The following SEM1 variants were observed in gnomAD, a reference collection of about 807,000 sequenced individuals.
The protein encoded by SEM1 is SEM1 26S proteasome subunit, also known as 26S proteasome complex subunit SEM1.
A neutral mutation model predicts 12.7 loss-of-function variants in SEM1; 3 were observed. The ratio of observed to expected loss-of-function variants is 0.24; its 90% CI spans 0.11 to 0.61. The LOEUF is 0.61. SEM1 is among the 20% of genes least tolerant of loss of function. SEM1 has a pLI of 0.88. For synonymous variants in SEM1, 30 were observed against 27.8 expected (o/e 1.08, Z -0.25); for missense variants, 59 against 81.3 (o/e 0.73, Z 1.06).
chr7:96,484,107 G>GTTTTCTCTA, intron 3 of SEM1: 1 of 995,830 alleles, frequency 1.0e-6, no homozygotes, highest in Non-Finnish European at 1.4e-6. Context: ...CCCCATTTTA[G>GTTTTCTCTA]AGATGAGAAA....
At chr7:96,505,350 C>G (rs1447152753) in intron 3 of SEM1, among the ~76,000 whole-genome samples, 1 of 152,002 alleles carries the variant, frequency 6.6e-6, no homozygotes, top group Non-Finnish European at 1.5e-5. Context: ...GTGATCCACC[C>G]ACCTCAGCCT....
At chr7:96,531,331 A>G in intron 2 of SEM1, among the ~76,000 whole-genome samples, 1 of 151,806 alleles carries the variant, frequency 6.6e-6, no homozygotes, top group Non-Finnish European at 1.5e-5. Context: ...CACTTTCGGA[A>G]GCTGAGGCAG....
At chr7:96,674,365 G>T (rs1308143375) in intron 2 of SEM1, among the ~76,000 whole-genome samples, 1 of 152,054 alleles carries the variant, frequency 6.6e-6, no homozygotes, top group Non-Finnish European at 1.5e-5. Flanking sequence ...GTCAAAAGAA[G>T]TATACAGGCT....
chr7:96,484,737 TTCACTGGCA>T (rs1802684906), intron 3 of SEM1: 3 of 739,826 alleles, frequency 4.1e-6, no homozygotes, highest in South Asian at 1.5e-5. Context: ...ATGACTCAAT[TTCACTGGCA>T]TCACTGGGTG....
At chr7:96,685,495 T>C (rs1789735413), downstream of SEM1, among the ~76,000 whole-genome samples, 1 of 152,110 alleles carries the variant, frequency 6.6e-6, no homozygotes, top group Non-Finnish European at 1.5e-5. Flanking sequence ...AAGACTATAT[T>C]AAGTGCTGTT....
intron 2 of SEM1, among the ~76,000 whole-genome samples, chr7:96,526,529 G>T (rs1804468989): frequency 6.6e-6 from 1 of 152,140 alleles, no homozygotes; most frequent in Non-Finnish European, 1.5e-5. Flanking sequence ...GGTCCTGGCA[G>T]CTTCCTTTGA....
chr7:96,579,013 T>C (rs1806296853), intron 2 of SEM1, among the ~76,000 whole-genome samples: 1 of 152,190 alleles, frequency 6.6e-6, no homozygotes, highest in South Asian at 2.1e-4. Flanking sequence ...CTAGGAACTG[T>C]AACCACACTA....
intron 2 of SEM1, among the ~76,000 whole-genome samples, chr7:96,627,341 T>A (rs983074044): frequency 2.6e-5 from 4 of 151,994 alleles, no homozygotes; most frequent in African/African-American, 7.2e-5. Flanking sequence ...ATTCTTTAAT[T>A]TAATTTAATT....
intron 2 of SEM1, among the ~76,000 whole-genome samples, chr7:96,525,450 G>A (rs544041974): frequency 1.8e-4 from 27 of 152,016 alleles, no homozygotes; most frequent in Non-Finnish European, 3.7e-4. Flanking sequence ...AGTGGAGGCC[G>A]GGTACAACTC....
intron 1 of SEM1, 90 bp downstream of exon 1, chr7:96,709,597 GC>G (rs1276750292): frequency 1.3e-5 from 16 of 1,214,332 alleles, no homozygotes; most frequent in Non-Finnish European, 1.9e-5. Flanking sequence ...TCCCGCCGGT[GC>G]CCCCAGCTGG....
intron 2 of SEM1, among the ~76,000 whole-genome samples, chr7:96,553,785 C>A (rs1279909775): frequency 6.6e-6 from 1 of 152,104 alleles, no homozygotes; most frequent in African/African-American, 2.4e-5. Context: ...TTACCTTGGG[C>A]AGTATGGCCA....
intron 1 of SEM1, chr7:96,496,258 T>A (rs1189825247): frequency 2.8e-6 from 4 of 1,430,680 alleles, no homozygotes; most frequent in Non-Finnish European, 2.9e-6. Context: ...AAGCCACATA[T>A]TGATATAATC....
chr7:96,505,785 T>C (rs889131222), intron 3 of SEM1, among the ~76,000 whole-genome samples: 3 of 152,066 alleles, frequency 2.0e-5, no homozygotes, highest in African/African-American at 7.2e-5. Context: ...GGGTGGAGGC[T>C]TCTTAACCTA....
intron 1 of SEM1, among the ~76,000 whole-genome samples, chr7:96,706,773 A>G (rs1016399527): frequency 2.0e-5 from 3 of 152,084 alleles, no homozygotes; most frequent in Non-Finnish European, 4.4e-5. Context: ...GGCAACCTCT[A>G]TACTCCAAGT....
At chr7:96,587,654 T>TC (rs143363822) in intron 2 of SEM1, among the ~76,000 whole-genome samples, 1 of 46,506 alleles carries the variant, frequency 2.2e-5, no homozygotes, top group African/African-American at 4.7e-5. Context: ...GACTTTCTTG[T>TC]TTTTTTTTTT....
At chr7:96,707,280 G>T (rs1333993162) in intron 1 of SEM1, among the ~76,000 whole-genome samples, 1 of 152,146 alleles carries the variant, frequency 6.6e-6, no homozygotes, top group Non-Finnish European at 1.5e-5. Context: ...TCTCAGAAAA[G>T]AAATAATTCT....
rs140203585 is a variant in SEM1, at chr7:96,486,818, C to T, written c.13-401G>A. Among the ~76,000 whole-genome samples, 260 of 152,310 alleles carry T rather than the reference C, an allele frequency of 1.7e-3. 1 individual carries two copies. The highest frequency in any genetic ancestry group is 6.1e-3 in the African/African-American group (252 of 41,578). ...GTTGCAGAAAGAGTTCTTCCTTAAA[C>T]AAAGGCAAATTTTCCAGTTACGCCA... On this transcript the variant is annotated intron_variant, in intron 1 of 3. Coordinates refer to the SEM1 transcript ENST00000356686.
chr7:96,705,092 T>C (rs1332059072), intron 1 of SEM1, among the ~76,000 whole-genome samples: 1 of 152,152 alleles, frequency 6.6e-6, no homozygotes, highest in Non-Finnish European at 1.5e-5. Context: ...TATTCCAGAA[T>C]GCTGGCAGCA....
chr7:96,690,022 A>G (rs557744846), intron 2 of SEM1, among the ~76,000 whole-genome samples: 8 of 152,348 alleles, frequency 5.3e-5, no homozygotes, highest in Non-Finnish European at 8.8e-5. Context: ...ATACATTAAA[A>G]TAAGAGTCAA....
Sources: allele counts gnomAD v4.1 joint callset (sites outside exome capture counted in the v4.1 genomes callset), GRCh38; gene constraint gnomAD v4.1.1; transcripts MANE v1.5; gene names NCBI Gene and HGNC (gene_info 2026-07-23, HGNC 2026-07-21).